Variants in DPYSL4 observed in about 807,000 individuals in gnomAD.
The protein encoded by DPYSL4 is dihydropyrimidinase like 4.
DPYSL4 carries 43 observed loss-of-function variants against 63.4 expected under a neutral mutation model. The observed-to-expected ratio is 0.68, with a 90% CI of 0.53 to 0.88. The LOEUF is 0.88. DPYSL4 is among the 40% of genes least tolerant of loss of function. The pLI is 0.00. For missense variants in DPYSL4, 733 were observed against 819.5 expected (o/e 0.89, Z 1.29); for synonymous variants, 353 against 331.7 (o/e 1.06, Z -0.70).
chr10:132,195,796 G>T (rs1042742298), intron 4 of DPYSL4, among the ~76,000 whole-genome samples: 1 of 152,248 alleles, frequency 6.6e-6, no homozygotes, highest in Admixed American at 6.5e-5. Flanking sequence ...CCAGGCAGCT[G>T]CTCTGCCACC....
At chr10:132,193,170 G>A (rs1302849464) in intron 3 of DPYSL4, among the ~76,000 whole-genome samples, 7 of 152,164 alleles carry the variant, frequency 4.6e-5, no homozygotes, top group African/African-American at 1.7e-4. Context: ...GAGGGGAGGG[G>A]TCATGCTGTC....
intron 3 of DPYSL4, among the ~76,000 whole-genome samples, chr10:132,193,989 G>A (rs909585341): frequency 3.3e-5 from 5 of 152,372 alleles, no homozygotes; most frequent in East Asian, 1.9e-4. Flanking sequence ...CGGTCAGGAC[G>A]TCTGCACAGT....
intron 1 of DPYSL4, among the ~76,000 whole-genome samples, chr10:132,188,240 C>T (rs1266390791): frequency 6.6e-6 from 1 of 152,180 alleles, no homozygotes; most frequent in Non-Finnish European, 1.5e-5. Flanking sequence ...CTTTCACCTC[C>T]ATCCGGATGA....
At position 132,196,900 on chromosome 10, in the gene DPYSL4, G is replaced by T; in HGVS notation, c.518G>T (p.Arg173Leu). 1 of 1,613,670 alleles carries T rather than the reference G, an allele frequency of 6.2e-7. No individual in the cohort carries two copies. The highest frequency in any genetic ancestry group is 8.5e-7 in the Non-Finnish European group (1 of 1,179,970). ...CTGGTCTTCATGGCATACAAGGACCGGTGCCAGTGCAGCGACAGCCAGGTA... is the reference window on the plus strand; with the variant it reads ...CTGGTCTTCATGGCATACAAGGACCTGTGCCAGTGCAGCGACAGCCAGGTA... ...SFLVFMAYKD[R>L]CQCSDSQMYE... is the part of the protein sequence containing the mutation. Residue 173 changes from arginine to leucine, a missense_variant, in exon 5 of 14, where the codon CGG (arginine) becomes CTG (leucine). Arg to Leu is a moderately radical substitution (Grantham distance 102). Transcript: ENST00000338492.
chr10:132,204,595 T>C lies in DPYSL4; in HGVS notation c.1628-244T>C, dbSNP rs147950082. On this transcript the variant is annotated intron_variant, in intron 13 of 13. Transcript: ENST00000338492. Reference sequence around the variant, plus strand: ...GGGTTCCTCTCGGGACAGGAAGGGCTTCCTGCAGCCCACAGTCCCCGCAGG... The same window carrying C: ...GGGTTCCTCTCGGGACAGGAAGGGCCTCCTGCAGCCCACAGTCCCCGCAGG... Among the ~76,000 whole-genome samples, 443 of 152,204 alleles carry C rather than the reference T, an allele frequency of 2.9e-3. 1 individual carries two copies. The highest frequency in any genetic ancestry group is 4.9e-3 in the Non-Finnish European group (336 of 67,976).
At chr10:132,201,843 T>C (rs1401938204) in intron 10 of DPYSL4, 103 bp from the exon 11 acceptor site, 1 of 1,270,660 alleles carries the variant, frequency 7.9e-7, no homozygotes, top group Non-Finnish European at 1.1e-6. Context: ...CCTGGTGACC[T>C]GGCATCCATC....
At chr10:132,195,502 T>C (rs1195972831) in intron 4 of DPYSL4, among the ~76,000 whole-genome samples, 2 of 152,174 alleles carry the variant, frequency 1.3e-5, no homozygotes, top group South Asian at 2.1e-4. Context: ...AGCCGATCTC[T>C]CCTAATCTGA....
rs2062054822 is a variant in DPYSL4 at position 132,203,776 on chromosome 10, C to T, written c.1476C>T (p.His492=). The part of the protein sequence containing the change: ...IKARNRLAEI[H]GVPRGLYDGP... ...CCCCCCGGCAGCTGGCGGAGATCCA[C>T]GGTGTGCCCCGTGGACTGTATGACG... Residue 492 remains histidine, a synonymous_variant, in exon 13 of 14, where the codon CAC becomes CAT. Transcript: ENST00000338492. 2.5e-6 allele frequency: 4 copies of T among 1,607,328 alleles called. No individual in the cohort carries two copies. Among genetic ancestry groups the T allele is most frequent in the Admixed American group, 1.7e-5 (1 of 59,828 alleles).
chr10:132,202,622 G>A (rs778829218), intron 11 of DPYSL4, 24 bp from the exon 12 acceptor site: 2 of 1,609,964 alleles, frequency 1.2e-6, no homozygotes, highest in Non-Finnish European at 1.7e-6. Context: ...TGGAGGCACT[G>A]GACCCTCGGG....
chr10:132,200,878 C>T lies in DPYSL4; in HGVS notation c.1005C>T (p.Thr335=), dbSNP rs1456167019. The T allele has an allele frequency of 1.9e-6, 3 of 1,613,036 alleles. No individual in the cohort carries two copies. The highest frequency in any genetic ancestry group is 2.5e-6 in the Non-Finnish European group (3 of 1,179,978). Residue 335 remains threonine (T), a synonymous_variant, in exon 10 of 14, where the codon ACC becomes ACT. Coordinates refer to ENST00000338492, the MANE Select transcript of DPYSL4 (RefSeq NM_006426.3). ...DLQVTGSAHC[T]FTTAQKAVGK... ...AGGTGACAGGCAGCGCCCACTGCAC[C>T]TTCACCACTGCCCAGAAGGCTGTGG...
At chr10:132,202,360 T>G (rs1590105672) in intron 11 of DPYSL4, among the ~76,000 whole-genome samples, 1 of 152,206 alleles carries the variant, frequency 6.6e-6, no homozygotes, top group Admixed American at 6.5e-5. Flanking sequence ...GGCAGAGCGG[T>G]GCCGTGTGCA....
chr10:132,197,520 C>G (rs559595266), intron 6 of DPYSL4, among the ~76,000 whole-genome samples: 4 of 152,196 alleles, frequency 2.6e-5, no homozygotes, highest in African/African-American at 9.7e-5. Flanking sequence ...GGCCTGAGCC[C>G]GCGTGCAGTG....
intron 13 of DPYSL4, among the ~76,000 whole-genome samples, 156 bp from the exon 14 acceptor site, chr10:132,204,683 G>T (rs2062070269): frequency 6.6e-6 from 1 of 152,206 alleles, no homozygotes; most frequent in African/African-American, 2.4e-5. Context: ...GTCCTGCCGG[G>T]CACCTGGTCT....
At chr10:132,203,952 G>A (rs753178786) in intron 13 of DPYSL4, 25 bp downstream of exon 13, 4 of 1,578,978 alleles carry the variant, frequency 2.5e-6, no homozygotes, top group East Asian at 2.3e-5. Context: ...GGGCACCAGT[G>A]GGGGTGAGGG....
At chr10:132,197,554 G>C (rs2061962032) in intron 6 of DPYSL4, among the ~76,000 whole-genome samples, 1 of 152,220 alleles carries the variant, frequency 6.6e-6, no homozygotes, top group Non-Finnish European at 1.5e-5. Context: ...AGGCCCTTGG[G>C]GCTGAGGCAA....
intron 1 of DPYSL4, among the ~76,000 whole-genome samples, chr10:132,187,505 G>A (rs2137493498): frequency 6.6e-6 from 1 of 152,102 alleles, no homozygotes; most frequent in South Asian, 2.1e-4. Context: ...TGGCGAGGCG[G>A]GCGGACGCGG....
intron 10 of DPYSL4, among the ~76,000 whole-genome samples, chr10:132,201,317 GC>G (rs879782493): frequency 1.3e-5 from 2 of 152,182 alleles, no homozygotes; most frequent in African/African-American, 2.4e-5. Context: ...ACGACCCGTC[GC>G]ACACCGCCCT....
At chr10:132,190,711 G>A in intron 1 of DPYSL4, 36 bp from the exon 2 acceptor site, 1 of 1,594,918 alleles carries the variant, frequency 6.3e-7, no homozygotes, top group Non-Finnish European at 8.6e-7. Flanking sequence ...GAGTAACTCA[G>A]TTTGGAGAAA....
intron 4 of DPYSL4, 103 bp downstream of exon 4, chr10:132,195,112 T>C: frequency 1.5e-6 from 2 of 1,355,410 alleles, no homozygotes; most frequent in Non-Finnish European, 2.0e-6. Context: ...CCCTGGGGGC[T>C]GGTGTCCAGG....
Sources: allele counts gnomAD v4.1 joint callset (sites outside exome capture counted in the v4.1 genomes callset), GRCh38; gene constraint gnomAD v4.1.1; transcripts MANE v1.5; gene names NCBI Gene and HGNC (gene_info 2026-07-23, HGNC 2026-07-21).